The following RHOU variants were observed in gnomAD, a reference collection of about 807,000 sequenced individuals.
The protein encoded by RHOU is ras homolog family member U.
Under a neutral mutation model 12.6 loss-of-function variants are expected in RHOU, and 8 were observed. The ratio of observed to expected loss-of-function variants is 0.64; its 90% CI spans 0.37 to 1.15. The LOEUF (loss-of-function observed/expected upper bound fraction) is 1.15. RHOU is among the 50% of genes most tolerant of loss of function. RHOU has a pLI of 0.01. For synonymous variants in RHOU, 161 were observed against 147.4 expected, an observed-to-expected ratio of 1.09 and a Z score of -0.67; for missense variants, 258 against 347.0, an observed-to-expected ratio of 0.74 and a Z score of 2.04.
chr1:228,746,218 C>T lies in RHOU; in HGVS notation c.*2478C>T, dbSNP rs189996789. On this transcript the variant is annotated 3_prime_UTR_variant, in exon 3 of 3. Transcript: ENST00000366691. ...TCTTCGTGAACATAGAGTTTGGGGC[C>T]GAAAATGTTTTTAAAGTATGTGTTT... The T allele has an allele frequency of 1.3e-4, 20 of 152,170 alleles. No homozygotes were observed. The highest frequency in any genetic ancestry group is 3.3e-4 in the Admixed American group (5 of 15,286). 9.4% of individuals were successfully genotyped at this position (152,170 alleles called of 1,614,324 possible). A position where few individuals can be genotyped will look rare whatever the true frequency, so the allele number is the denominator to read the frequency against.
chr1:228,717,113 T>C, the RHOU span, among the ~76,000 whole-genome samples: 1 of 152,158 alleles, frequency 6.6e-6, no homozygotes, highest in African/African-American at 2.4e-5. Flanking sequence ...GGAACTGAAG[T>C]CAAGAGTTAG....
the RHOU span, among the ~76,000 whole-genome samples, chr1:228,707,300 GTA>G: frequency 8.0e-6 from 1 of 125,352 alleles, no homozygotes; most frequent in Non-Finnish European, 1.6e-5. Flanking sequence ...GTGTGTGTGT[GTA>G]TAAAATACCC....
chr1:228,702,449 A>T, the RHOU span, among the ~76,000 whole-genome samples: 1 of 152,110 alleles, frequency 6.6e-6, no homozygotes, highest in Non-Finnish European at 1.5e-5. Context: ...GGCCAGGGAG[A>T]AAGGGGTCAT....
At chr1:228,667,781 A>G in the RHOU span, among the ~76,000 whole-genome samples, 1 of 152,194 alleles carries the variant, frequency 6.6e-6, no homozygotes, top group Non-Finnish European at 1.5e-5. Flanking sequence ...GTCATACTTG[A>G]CTCACCAAGA....
the RHOU span, among the ~76,000 whole-genome samples, chr1:228,721,476 G>T: frequency 1.3e-5 from 2 of 152,144 alleles, no homozygotes; most frequent in African/African-American, 4.8e-5. Context: ...TCAAAGCCAA[G>T]CCCTTGTCCC....
At chr1:228,736,280 A>AAAC (rs751839471) in intron 1 of RHOU, among the ~76,000 whole-genome samples, 12 of 150,992 alleles carry the variant, frequency 7.9e-5, no homozygotes, top group South Asian at 2.1e-4. Context: ...AAAAAAAAAA[A>AAAC]TCTCACAATT....
At chr1:228,733,773 C>T (rs571657391), upstream of RHOU, among the ~76,000 whole-genome samples, 139 of 152,246 alleles carry the variant, frequency 9.1e-4, no homozygotes, top group Middle Eastern at 0.01. Context: ...TCAGTGGTAG[C>T]CATTCCTATA....
At chr1:228,688,384 T>C in the RHOU span, among the ~76,000 whole-genome samples, 1 of 152,170 alleles carries the variant, frequency 6.6e-6, no homozygotes. Context: ...CAGCAGACAT[T>C]TGTGAGTTGG....
chr1:228,689,691 C>T, the RHOU span, among the ~76,000 whole-genome samples: 5 of 151,790 alleles, frequency 3.3e-5, no homozygotes, highest in Non-Finnish European at 7.4e-5. Context: ...CTCACAGGAG[C>T]TCAAACCCTA....
At position 228,737,093 on chromosome 1, in the gene RHOU, A is replaced by C. The variant is rs1022654121; in HGVS notation, c.263-580A>C. ...CACACTCCCCGAGTCCCCGGATCCC[A>C]GTGGAAAGGGGGCCATGGCTTTCTT... On this transcript the variant is annotated intron_variant, in intron 1 of 2. Coordinates refer to ENST00000366691, the MANE Select transcript of RHOU (RefSeq NM_021205.6). This position sits in a 1 kb window ranked among gnomAD's most constrained non-coding sequence, Gnocchi z 4.1. Among the ~76,000 whole-genome samples the C allele has an allele frequency of 2.6e-5, 4 of 152,184 alleles. No individual in the cohort carries two copies. The highest frequency in any genetic ancestry group is 9.7e-5 in the African/African-American group (4 of 41,446).
the RHOU span, among the ~76,000 whole-genome samples, chr1:228,716,747 C>CATATATAT: frequency 4.6e-5 from 7 of 151,242 alleles, no homozygotes; most frequent in Non-Finnish European, 8.8e-5. Context: ...TATACACACA[C>CATATATAT]ATGTGTGTGT....
At chr1:228,710,667 A>AAC in the RHOU span, among the ~76,000 whole-genome samples, 1 of 150,912 alleles carries the variant, frequency 6.6e-6, no homozygotes, top group African/African-American at 2.4e-5. Context: ...ATCTCAAAAT[A>AAC]ATAAGAGCTA....
chr1:228,648,496 C>G, the RHOU span, among the ~76,000 whole-genome samples: 1 of 152,182 alleles, frequency 6.6e-6, no homozygotes, highest in African/African-American at 2.4e-5. Flanking sequence ...TGCCTTGCGG[C>G]GGGGGGATTG....
At chr1:228,703,527 GA>G in the RHOU span, among the ~76,000 whole-genome samples, 19 of 146,840 alleles carry the variant, frequency 1.3e-4, no homozygotes, top group South Asian at 1.3e-3. Flanking sequence ...CTCCATCTCT[GA>G]AAAAAAAAAA....
At chr1:228,687,572 T>A in the RHOU span, 1 of 1,554,668 alleles carries the variant, frequency 6.4e-7, no homozygotes, top group Non-Finnish European at 8.8e-7. Flanking sequence ...GCGGGCTGAA[T>A]GCGATGGAGT....
At chr1:228,681,917 C>T in the RHOU span, among the ~76,000 whole-genome samples, 1 of 151,998 alleles carries the variant, frequency 6.6e-6, no homozygotes, top group Non-Finnish European at 1.5e-5. Context: ...CAGGTGTCCC[C>T]ACAATTGACT....
the RHOU span, among the ~76,000 whole-genome samples, chr1:228,679,569 G>A: frequency 1.3e-5 from 2 of 151,994 alleles, no homozygotes; most frequent in African/African-American, 2.4e-5. Context: ...TTGATAAGGC[G>A]CAGATCCTGA....
chr1:228,706,334 C>T, the RHOU span, among the ~76,000 whole-genome samples: 1 of 152,154 alleles, frequency 6.6e-6, no homozygotes, highest in Admixed American at 6.5e-5. Flanking sequence ...AATTGGGTTG[C>T]CCCCTGAACC....
At position 228,743,565 on chromosome 1, in the gene RHOU, T is replaced by C; in HGVS notation, c.602T>C (p.Ile201Thr). 1 of 1,614,196 alleles carries C rather than the reference T, an allele frequency of 6.2e-7. No homozygotes were observed. The highest frequency in any genetic ancestry group is 1.3e-5 in the African/African-American group (1 of 75,042). ...CAEEIKAASY[I>T]ECSALTQKNL... is the part of the protein sequence containing the mutation. ...GAGGAAATCAAAGCCGCCTCCTACA[T>C]CGAGTGTTCAGCCTTGACTCAAAAA... Residue 201 changes from isoleucine (I) to threonine (T), a missense_variant, in exon 3 of 3, where the codon ATC becomes ACC. Transcript: ENST00000366691. The surrounding 1 kb of genome is among the most constrained non-coding windows in gnomAD (Gnocchi z 5.1).
Sources: allele counts gnomAD v4.1 joint callset (sites outside exome capture counted in the v4.1 genomes callset), GRCh38; gene constraint gnomAD v4.1.1; non-coding constraint Gnocchi (gnomAD v3.1); transcripts MANE v1.5; gene names NCBI Gene and HGNC (gene_info 2026-07-23, HGNC 2026-07-21).